CIAPIN1: variants seen among roughly 807,000 people sequenced by gnomAD.
CIAPIN1 encodes the protein anamorsin.
Under a neutral mutation model 34.3 loss-of-function variants are expected in CIAPIN1, and 18 were observed. The observed-to-expected ratio is 0.52, with a 90% CI of 0.36 to 0.78. The LOEUF is 0.78. Among genes scored for constraint, CIAPIN1 ranks in the 30% least tolerant of loss-of-function variants. The probability of loss-of-function intolerance (pLI) is 0.00; values close to 1 mark genes in which losing one functional copy is unlikely to be tolerated. For missense variants in CIAPIN1, 310 were observed against 372.5 expected, an observed-to-expected ratio of 0.83 and a Z score of 1.38; for synonymous variants, 131 against 140.4, an observed-to-expected ratio of 0.93 and a Z score of 0.47.
chr16:57,439,080 A>C, intron 3 of CIAPIN1, 102 bp downstream of exon 3: 1 of 1,146,226 alleles, frequency 8.7e-7, no homozygotes. Flanking sequence ...TTGCTACAGG[A>C]ATACTGATCT....
intron 5 of CIAPIN1, 79 bp from the exon 6 acceptor site, chr16:57,432,639 T>G: frequency 1.5e-6 from 2 of 1,310,148 alleles, no homozygotes; most frequent in South Asian, 2.5e-5. Context: ...AAATGCTTCC[T>G]GCTGTGTAGA....
intron 4 of CIAPIN1, among the ~76,000 whole-genome samples, chr16:57,436,237 G>GT (rs1176781563): frequency 4.6e-5 from 7 of 151,782 alleles, no homozygotes; most frequent in South Asian, 2.1e-4. Context: ...GTTTTGTTTT[G>GT]TTTTTTTTGA....
intron 8 of CIAPIN1, 42 bp from the exon 9 acceptor site, chr16:57,429,322 A>G (rs1903026364): frequency 7.5e-7 from 1 of 1,326,990 alleles, no homozygotes. Context: ...AGCTTATCCC[A>G]GGCATACCAG....
intron 8 of CIAPIN1, 143 bp from the exon 9 acceptor site, chr16:57,429,423 T>TA (rs1903028868): frequency 1.6e-6 from 1 of 609,642 alleles, no homozygotes; most frequent in Non-Finnish European, 2.9e-6. Context: ...ACCAAAATAC[T>TA]AAGAGTTTTC....
At chr16:57,446,278 T>C (rs2030063976) in intron 1 of CIAPIN1, among the ~76,000 whole-genome samples, 1 of 152,198 alleles carries the variant, frequency 6.6e-6, no homozygotes, top group Non-Finnish European at 1.5e-5. Flanking sequence ...GATGGATGGA[T>C]AGAACTCAGA....
intron 3 of CIAPIN1, among the ~76,000 whole-genome samples, chr16:57,436,965 A>G (rs1292674977): frequency 6.6e-6 from 1 of 152,012 alleles, no homozygotes; most frequent in Admixed American, 6.6e-5. Flanking sequence ...TACTAAAAAT[A>G]CACACAAAAA....
intron 6 of CIAPIN1, among the ~76,000 whole-genome samples, chr16:57,431,933 C>G (rs1180899770): frequency 1.3e-5 from 2 of 152,244 alleles, no homozygotes; most frequent in African/African-American, 4.8e-5. Flanking sequence ...TTCAGGTTTA[C>G]ACATGCCCAC....
Position 57,429,148 on chromosome 16 carries a change from T to A in CIAPIN1, c.*22A>T. The A allele has an allele frequency of 2.6e-6, 4 of 1,537,680 alleles. No homozygotes were observed. The highest frequency in any genetic ancestry group is 3.6e-6 in the Non-Finnish European group (4 of 1,112,302). On this transcript the variant is annotated 3_prime_UTR_variant, in exon 9 of 9. Transcript: ENST00000394391. Reference sequence around the variant, plus strand: ...GACAGGAGTTGGCTGGAGGAGCAGATGGGTCCCATGTCAGGAACCTCCTAG... The same window carrying A: ...GACAGGAGTTGGCTGGAGGAGCAGAAGGGTCCCATGTCAGGAACCTCCTAG...
In CIAPIN1 at chr16:57,445,271, C is replaced by T. The variant is rs563651534; in HGVS notation, c.-56+2071G>A. ...ACCTGTAATCCCACACTTTGGGAGGCTGAAGCAAGTGGATCACCTGAGGTC... is the reference window on the plus strand; with the variant it reads ...ACCTGTAATCCCACACTTTGGGAGGTTGAAGCAAGTGGATCACCTGAGGTC... On this transcript the variant is annotated intron_variant, in intron 1 of 8. Transcript: ENST00000394391. Among the ~76,000 whole-genome samples the T allele has an allele frequency of 1.2e-4, 19 of 152,250 alleles. No homozygotes were observed. The South Asian group carries it at 1.5e-3, about 12-fold the overall frequency.
At chr16:57,433,908 T>C (rs1358470982) in intron 5 of CIAPIN1, 136 bp downstream of exon 5, 1 of 794,638 alleles carries the variant, frequency 1.3e-6, no homozygotes, top group East Asian at 2.6e-5. Flanking sequence ...ACATTAAGTA[T>C]TCTTCTTTGT....
Position 57,434,496 on chromosome 16 carries a change from T to C in CIAPIN1, c.388-284A>G, listed in dbSNP as rs16957051. Among the ~76,000 whole-genome samples the C allele has an allele frequency of 0.068, 10,307 of 152,192 alleles. 578 individuals carry two copies. The highest frequency in any genetic ancestry group is 0.15 in the African/African-American group (6,257 of 41,502). ...ACTAGTTATTTGGGATGTAATACAA[T>C]TATGAAAATGAACCAGATGTGGTCC... On this transcript the variant is annotated intron_variant, in intron 4 of 8. Transcript: ENST00000394391.
intron 7 of CIAPIN1, 119 bp from the exon 8 acceptor site, chr16:57,430,458 G>T (rs774259945): frequency 1.2e-6 from 1 of 851,218 alleles, no homozygotes; most frequent in South Asian, 1.5e-5. Context: ...TAACTCAGAA[G>T]CCTATAGGCC....
rs1903079658 is a variant in CIAPIN1, at chr16:57,431,209, C to G, written c.688G>C (p.Ala230Pro). 1.2e-6 allele frequency: 2 copies of G among 1,613,930 alleles called. No homozygotes were observed. The highest frequency in any genetic ancestry group is 1.7e-6 in the Non-Finnish European group (2 of 1,179,880). The part of the protein sequence containing the change: ...DPEDLKKPDP[A>P]SLRAASCGEG... ...CCACAAGAAGCAGCCCGCAGGGAAG[C>G]TGGATCTGGCTTCTTCAAATCTTCT... is the stretch of plus-strand genomic sequence containing the variant. The change falls in exon 7 of 9, where the codon GCT becomes CCT. Residue 230 changes from alanine (A) to proline (P), a missense_variant. Ala to Pro is a conservative substitution (Grantham distance 27). Coordinates refer to ENST00000394391, the MANE Select transcript of CIAPIN1 (RefSeq NM_020313.4).
rs779106397 is a variant in CIAPIN1 at position 57,438,576 on chromosome 16, G to A, written c.310+606C>T. 1.8e-4 allele frequency among the ~76,000 whole-genome samples: 27 copies of A among 152,048 alleles called. 1 individual carries two copies. Among genetic ancestry groups the A allele is most frequent in the Middle Eastern group, 6.3e-3 (2 of 316 alleles). On this transcript the variant is annotated intron_variant, in intron 3 of 8. Coordinates refer to ENST00000394391, the MANE Select transcript of CIAPIN1 (RefSeq NM_020313.4). ...GATTTCATTTCTTTTATATGTACTC[G>A]TTTGGCAGAAGGGGGCTATATAGTT...
At chr16:57,442,245 C>A (rs1476209466) in intron 1 of CIAPIN1, among the ~76,000 whole-genome samples, 1 of 151,828 alleles carries the variant, frequency 6.6e-6, no homozygotes, top group Non-Finnish European at 1.5e-5. Context: ...ACTCACGAGG[C>A]TGAGGAAGGA....
At chr16:57,437,132 A>G (rs1453512063) in intron 3 of CIAPIN1, among the ~76,000 whole-genome samples, 2 of 152,174 alleles carry the variant, frequency 1.3e-5, no homozygotes, top group Non-Finnish European at 2.9e-5. Context: ...ATCTCAAAGA[A>G]AAAACAAAAA....
At chr16:57,436,464 G>A (rs963192472) in intron 4 of CIAPIN1, among the ~76,000 whole-genome samples, 192 bp downstream of exon 4, 4 of 152,020 alleles carry the variant, frequency 2.6e-5, no homozygotes, top group African/African-American at 4.8e-5. Context: ...TCCTGAGCTC[G>A]TGATCCACCC....
rs1903194722 is a variant in CIAPIN1, at chr16:57,436,212, CA to C, written c.387+443del. ...GAGTCTCTTTGAAGTTGGTTATTCT[CA>C]AAAGTTTTTTTTTGTTTTGTTTTGT... On this transcript the variant is annotated intron_variant, in intron 4 of 8. Transcript: ENST00000394391. Among the ~76,000 whole-genome samples, 4 of 152,280 alleles carry C rather than the reference CA, an allele frequency of 2.6e-5. No individual in the cohort carries two copies. In the South Asian group the frequency reaches 6.2e-4, roughly 24 times the overall value.
At chr16:57,433,906 T>C (rs1303271854) in intron 5 of CIAPIN1, 138 bp downstream of exon 5, 1 of 774,758 alleles carries the variant, frequency 1.3e-6, no homozygotes, top group African/African-American at 1.7e-5. Flanking sequence ...GTACATTAAG[T>C]ATTCTTCTTT....
Sources: allele counts gnomAD v4.1 joint callset (sites outside exome capture counted in the v4.1 genomes callset), GRCh38; gene constraint gnomAD v4.1.1; transcripts MANE v1.5; gene names NCBI Gene and HGNC (gene_info 2026-07-23, HGNC 2026-07-21).